Variants in PARD3B observed in about 807,000 individuals in gnomAD.
PARD3B encodes the protein partitioning defective 3 homolog B.
A neutral mutation model predicts 130.2 loss-of-function variants in PARD3B; 103 were observed. That is an observed-to-expected ratio of 0.79 (90% CI 0.67 to 0.93). PARD3B has a LOEUF of 0.93. Ranked by LOEUF, PARD3B falls within the 40% of genes least tolerant of loss-of-function variation. The pLI is 0.00. For synonymous variants in PARD3B, 583 were observed against 553.2 expected (o/e 1.05, Z -0.76); for missense variants, 1,609 against 1,499.2 (o/e 1.07, Z -1.21).
intron 22 of PARD3B, among the ~76,000 whole-genome samples, chr2:205,598,610 T>C (rs1044773146): frequency 9.2e-5 from 14 of 152,188 alleles, no homozygotes; most frequent in African/African-American, 2.9e-4. Flanking sequence ...ATACTTGACC[T>C]ATTGGACCTA....
intron 1 of PARD3B, among the ~76,000 whole-genome samples, chr2:204,616,966 A>C (rs745492660): frequency 6.6e-6 from 1 of 152,168 alleles, no homozygotes; most frequent in Non-Finnish European, 1.5e-5. Context: ...ATCTCTGTCC[A>C]AACTATTTTT....
intron 2 of PARD3B, among the ~76,000 whole-genome samples, chr2:204,796,239 G>A (rs1003315719): frequency 6.6e-5 from 10 of 152,116 alleles, no homozygotes; most frequent in African/African-American, 2.4e-4. Flanking sequence ...TGATCAAATG[G>A]TTATGTTCAG....
chr2:204,815,614 T>C (rs1455265808), intron 2 of PARD3B, among the ~76,000 whole-genome samples: 1 of 152,004 alleles, frequency 6.6e-6, no homozygotes, highest in Non-Finnish European at 1.5e-5. Context: ...GTCATTGATT[T>C]TGAGACCTTT....
chr2:204,735,828 G>C (rs749470234), intron 2 of PARD3B, among the ~76,000 whole-genome samples: 7 of 152,100 alleles, frequency 4.6e-5, no homozygotes, highest in Non-Finnish European at 7.4e-5. Flanking sequence ...CTTTGATGCG[G>C]AAATAAAAGA....
Position 205,117,915 on chromosome 2 carries a change from G to GTACACACACACACACACA in PARD3B, c.681-1005_681-988dup, listed in dbSNP as rs1553617385. 4.0e-4 allele frequency among the ~76,000 whole-genome samples: 54 copies of GTACACACACACACACACA among 133,582 alleles called. No homozygotes were observed. The South Asian group carries it at 4.2e-3, about 10-fold the overall frequency. 87.6% of individuals were successfully genotyped at this position (133,582 alleles called of 152,430 possible). On this transcript the variant is annotated intron_variant, in intron 6 of 22. Coordinates refer to ENST00000406610, the MANE Select transcript of PARD3B (RefSeq NM_001302769.2). ...GTAACAGAATTGTGTATGTATGTGT[G>GTACACACACACACACACA]TACACACACACACACACACACATAC...
At chr2:205,010,230 A>G (rs1695607446) in intron 3 of PARD3B, among the ~76,000 whole-genome samples, 1 of 152,120 alleles carries the variant, frequency 6.6e-6, no homozygotes, top group African/African-American at 2.4e-5. Context: ...ACAAATGTTT[A>G]ATTTAAAATT....
intron 2 of PARD3B, among the ~76,000 whole-genome samples, chr2:204,734,506 A>G (rs1415845138): frequency 1.3e-5 from 2 of 152,166 alleles, no homozygotes; most frequent in Non-Finnish European, 2.9e-5. Flanking sequence ...CAACCCAAAT[A>G]TCCGTCACCT....
intron 2 of PARD3B, among the ~76,000 whole-genome samples, chr2:204,711,113 C>T (rs1405165506): frequency 1.3e-5 from 2 of 152,110 alleles, no homozygotes; most frequent in East Asian, 3.9e-4. Flanking sequence ...TCATAGTTCT[C>T]AAGATTTCCT....
chr2:204,594,048 T>C (rs1240252498), intron 1 of PARD3B, among the ~76,000 whole-genome samples: 1 of 152,220 alleles, frequency 6.6e-6, no homozygotes, highest in East Asian at 1.9e-4. Context: ...ACTCGGTCCC[T>C]GAAACAGAAG....
At position 205,125,852 on chromosome 2, in the gene PARD3B, T is replaced by C. The variant is rs1178464808; in HGVS notation, c.1434+115T>C. The C allele has an allele frequency of 6.5e-6, 9 of 1,383,814 alleles. No homozygotes were observed. The highest frequency in any genetic ancestry group is 2.9e-5 in the African/African-American group (2 of 69,522). 85.7% of individuals were successfully genotyped at this position (1,383,814 alleles called of 1,614,324 possible). A position where few individuals can be genotyped will look rare whatever the true frequency, so the allele number is the denominator to read the frequency against. ...TCACAGGCTTCATTCATAACCAAAA[T>C]TGAATCACACTCAGGGTATTTTACC... On this transcript the variant is annotated intron_variant, in intron 10 of 22. Transcript: ENST00000406610. The surrounding 1 kb of genome is among the most constrained non-coding windows in gnomAD (Gnocchi z 4.0).
At chr2:204,964,687 A>T (rs1176343129) in intron 2 of PARD3B, among the ~76,000 whole-genome samples, 1 of 152,220 alleles carries the variant, frequency 6.6e-6, no homozygotes, top group Non-Finnish European at 1.5e-5. Context: ...ATCTACAGGG[A>T]CAGATACAAT....
chr2:205,360,288 G>A, intron 18 of PARD3B, among the ~76,000 whole-genome samples: 1 of 151,590 alleles, frequency 6.6e-6, no homozygotes, highest in East Asian at 1.9e-4. Context: ...TCATTATCAA[G>A]TTGCAGTCTT....
intron 18 of PARD3B, among the ~76,000 whole-genome samples, chr2:205,331,554 G>T (rs2043130092): frequency 6.6e-6 from 1 of 151,860 alleles, no homozygotes; most frequent in South Asian, 2.1e-4. Flanking sequence ...GGCCGAGGCG[G>T]GTGGATCACC....
chr2:204,931,303 C>G (rs1388509970), intron 2 of PARD3B, among the ~76,000 whole-genome samples: 1 of 152,072 alleles, frequency 6.6e-6, no homozygotes, highest in Non-Finnish European at 1.5e-5. Flanking sequence ...TGGGAATAAT[C>G]ATAGCATGTA....
intron 15 of PARD3B, among the ~76,000 whole-genome samples, chr2:205,216,742 A>C (rs1170832692): frequency 2.0e-5 from 3 of 152,216 alleles, no homozygotes; most frequent in Non-Finnish European, 4.4e-5. Flanking sequence ...AACACAGAAC[A>C]GTACTCTTTA....
chr2:205,552,532 C>A (rs1575338996), intron 21 of PARD3B, among the ~76,000 whole-genome samples: 1 of 152,250 alleles, frequency 6.6e-6, no homozygotes, highest in South Asian at 2.1e-4. Flanking sequence ...CCTCAGCCTC[C>A]TGAGTAACTG....
At chr2:204,647,907 C>A (rs1574613866) in intron 1 of PARD3B, among the ~76,000 whole-genome samples, 1 of 151,448 alleles carries the variant, frequency 6.6e-6, no homozygotes, top group South Asian at 2.1e-4. Context: ...TGACATAATT[C>A]TAGAGTCTAC....
chr2:205,473,021 A>G lies in PARD3B; in HGVS notation c.3045-26875A>G, dbSNP rs925839666. ...AGTATAAGGAAGAGAATGACCAAAA[A>G]TAGAAGTTGAAGTGGTCCATTTGAG... On this transcript the variant is annotated intron_variant, in intron 20 of 22. Coordinates refer to ENST00000406610, the MANE Select transcript of PARD3B (RefSeq NM_001302769.2). This position sits in a 1 kb window ranked among gnomAD's most constrained non-coding sequence, Gnocchi z 4.9. Among the ~76,000 whole-genome samples the G allele has an allele frequency of 3.9e-5, 6 of 152,214 alleles. No individual in the cohort carries two copies. The highest frequency in any genetic ancestry group is 5.9e-5 in the Non-Finnish European group (4 of 68,032).
Position 205,563,733 on chromosome 2 carries a change from TTTC to T in PARD3B, c.3260+10336_3260+10338del, listed in dbSNP as rs1330878291. 6.6e-6 allele frequency among the ~76,000 whole-genome samples: 1 copy of T among 152,218 alleles called. No homozygotes were observed. Among genetic ancestry groups the T allele is most frequent in the Non-Finnish European group, 1.5e-5 (1 of 68,024 alleles). ...AAAAACACTTTTGAATCACACACTT[TTTC>T]TTCTTTTATCACTGTAAGTTTTCCC... On this transcript the variant is annotated intron_variant, in intron 22 of 22. Coordinates refer to ENST00000406610, the MANE Select transcript of PARD3B (RefSeq NM_001302769.2). This position sits in a 1 kb window ranked among gnomAD's most constrained non-coding sequence, Gnocchi z 4.2.
Sources: gnomAD v4.1 joint callset for allele counts (sites outside exome capture counted in the v4.1 genomes callset) on GRCh38, gnomAD v4.1.1 for gene constraint, Gnocchi (gnomAD v3.1) non-coding constraint, MANE v1.5 for transcripts, NCBI Gene and HGNC (gene_info 2026-07-23, HGNC 2026-07-21) for gene names.